ADAMTS18: variants seen among roughly 807,000 people sequenced by gnomAD.
The protein encoded by ADAMTS18 is A disintegrin and metalloproteinase with thrombospondin motifs 18.
Under a neutral mutation model 165.9 loss-of-function variants are expected in ADAMTS18, and 157 were observed. The observed-to-expected ratio is 0.95, with a 90% CI of 0.83 to 1.08. ADAMTS18 has a LOEUF of 1.08. Among genes scored for constraint, ADAMTS18 ranks in the 50% least tolerant of loss-of-function variants. ADAMTS18 has a pLI of 0.00. For missense variants in ADAMTS18, 2,040 were observed against 1,534.0 expected, an observed-to-expected ratio of 1.33 and a Z score of -5.51; for synonymous variants, 782 against 578.2, an observed-to-expected ratio of 1.35 and a Z score of -5.06.
At chr16:77,357,475 C>T (rs2056648455) in intron 8 of ADAMTS18, among the ~76,000 whole-genome samples, 1 of 152,126 alleles carries the variant, frequency 6.6e-6, no homozygotes, top group Non-Finnish European at 1.5e-5. Flanking sequence ...AAGGGGATTT[C>T]TTTGGGAGAC....
intron 12 of ADAMTS18, among the ~76,000 whole-genome samples, chr16:77,334,396 CTG>C (rs1182519015): frequency 9.6e-6 from 1 of 103,756 alleles, no homozygotes; most frequent in African/African-American, 4.1e-5. Flanking sequence ...TATATATATA[CTG>C]TATATTATAG....
chr16:77,311,662 T>G (rs115259375), intron 16 of ADAMTS18, among the ~76,000 whole-genome samples: 1 of 151,134 alleles, frequency 6.6e-6, no homozygotes, highest in African/African-American at 2.4e-5. Flanking sequence ...CCTAAATTAT[T>G]TGAAAAGATA....
At chr16:77,392,147 G>A (rs2057196429) in intron 3 of ADAMTS18, among the ~76,000 whole-genome samples, 1 of 152,158 alleles carries the variant, frequency 6.6e-6, no homozygotes, top group African/African-American at 2.4e-5. Flanking sequence ...ACAGAAGACA[G>A]AATCGCGTGA....
intron 16 of ADAMTS18, among the ~76,000 whole-genome samples, chr16:77,316,827 G>A (rs537207364): frequency 2.6e-5 from 4 of 151,902 alleles, no homozygotes; most frequent in African/African-American, 4.8e-5. Flanking sequence ...GCACCACCAC[G>A]CCTGGCTAAT....
chr16:77,290,979 A>G, intron 21 of ADAMTS18: 1 of 481,096 alleles, frequency 2.1e-6, no homozygotes. Context: ...AATGACCAAC[A>G]TTAGCAGTGT....
At chr16:77,429,013 A>G (rs536159949) in intron 3 of ADAMTS18, among the ~76,000 whole-genome samples, 1 of 152,228 alleles carries the variant, frequency 6.6e-6, no homozygotes, top group Non-Finnish European at 1.5e-5. Context: ...TAGTTCAACC[A>G]TTGTGGAAAG....
intron 22 of ADAMTS18, among the ~76,000 whole-genome samples, chr16:77,287,619 C>G (rs2055278886): frequency 6.6e-6 from 1 of 152,096 alleles, no homozygotes; most frequent in South Asian, 2.1e-4. Flanking sequence ...CTACGGGCAC[C>G]TGCCACCACA....
At chr16:77,377,957 A>G (rs1332878566) in intron 3 of ADAMTS18, among the ~76,000 whole-genome samples, 2 of 152,200 alleles carry the variant, frequency 1.3e-5, no homozygotes, top group African/African-American at 4.8e-5. Context: ...ACATCAGAAA[A>G]ATTAAAGACT....
chr16:77,286,980 G>A (rs2055265898), intron 22 of ADAMTS18, among the ~76,000 whole-genome samples: 3 of 152,152 alleles, frequency 2.0e-5, no homozygotes, highest in Non-Finnish European at 4.4e-5. Flanking sequence ...TACAATGACT[G>A]CCCCTAGACT....
chr16:77,305,936 T>C lies in ADAMTS18; in HGVS notation c.2533-5532A>G, dbSNP rs1424364325. On this transcript the variant is annotated intron_variant, in intron 16 of 22. Transcript: ENST00000282849. The stretch of plus-strand genomic sequence containing the variant: ...CATTTTAGAACATTTTCGGTGACCA[T>C]GTCAAGAGTAGTCCATTGCTTTTCT... 6.6e-5 allele frequency among the ~76,000 whole-genome samples: 10 copies of C among 152,338 alleles called. No homozygotes were observed. The East Asian group carries it at 1.3e-3, about 21-fold the overall frequency.
rs931640159 is a variant in ADAMTS18 at position 77,282,839 on chromosome 16, T to C, written c.*1117A>G. The C allele has an allele frequency of 2.0e-5, 3 of 152,308 alleles. No individual in the cohort carries two copies. Among genetic ancestry groups the C allele is most frequent in the Non-Finnish European group, 2.9e-5 (2 of 67,980 alleles). 9.4% of individuals were successfully genotyped at this position (152,308 alleles called of 1,614,324 possible). On this transcript the variant is annotated 3_prime_UTR_variant, in exon 23 of 23. Transcript: ENST00000282849. ...GAGGGTCTTGTCATATTATGATTTA[T>C]TAATATTAACATAGCAAGAAGACAG...
chr16:77,324,186 G>C (rs878865436), intron 13 of ADAMTS18, among the ~76,000 whole-genome samples: 1 of 152,154 alleles, frequency 6.6e-6, no homozygotes, highest in Admixed American at 6.5e-5. Context: ...GTAAAAGGAG[G>C]GACAACAGAG....
At chr16:77,426,599 G>T (rs1313576562) in intron 3 of ADAMTS18, among the ~76,000 whole-genome samples, 1 of 152,200 alleles carries the variant, frequency 6.6e-6, no homozygotes, top group Non-Finnish European at 1.5e-5. Context: ...AGGTCTAAAA[G>T]TATTGCTCCA....
Position 77,314,753 on chromosome 16 carries a change from C to CATATATATATATATATATATATAT in ADAMTS18, c.2532+5072_2532+5095dup, listed in dbSNP as rs36191323. Among the ~76,000 whole-genome samples the CATATATATATATATATATATATAT allele has an allele frequency of 1.7e-3, 63 of 36,870 alleles. 2 individuals carry two copies. Among genetic ancestry groups the CATATATATATATATATATATATAT allele is most frequent in the Non-Finnish European group, 2.5e-3 (47 of 18,542 alleles). 24.2% of individuals were successfully genotyped at this position (36,870 alleles called of 152,430 possible). A position where few individuals can be genotyped will look rare whatever the true frequency, so the allele number is the denominator to read the frequency against. ...GTTTGCTAAATATGGTCTCAGGTTT[C>CATATATATATATATATATATATAT]ATATATATATATATATATATATATA... On this transcript the variant is annotated intron_variant, in intron 16 of 22. Coordinates refer to ENST00000282849, the MANE Select transcript of ADAMTS18 (RefSeq NM_199355.4).
At chr16:77,357,123 C>T (rs2056643480) in intron 8 of ADAMTS18, among the ~76,000 whole-genome samples, 1 of 150,214 alleles carries the variant, frequency 6.7e-6, no homozygotes, top group East Asian at 2.0e-4. Flanking sequence ...ATTTATAAGG[C>T]AGATATGACT....
chr16:77,294,494 C>A (rs1050607679), intron 19 of ADAMTS18, among the ~76,000 whole-genome samples: 1 of 152,188 alleles, frequency 6.6e-6, no homozygotes, highest in Admixed American at 6.5e-5. Flanking sequence ...GAATTTGTGA[C>A]CATAGCAAAC....
intron 10 of ADAMTS18, among the ~76,000 whole-genome samples, chr16:77,351,836 GTGATCCCCC>G (rs2056560525): frequency 6.6e-6 from 1 of 152,040 alleles, no homozygotes; most frequent in African/African-American, 2.4e-5. Flanking sequence ...CTGGGCTCAA[GTGATCCCCC>G]TGCCTCAGCC....
chr16:77,392,917 C>A (rs1259671730), intron 3 of ADAMTS18, among the ~76,000 whole-genome samples: 2 of 151,918 alleles, frequency 1.3e-5, no homozygotes, highest in Non-Finnish European at 2.9e-5. Context: ...GATGAGTGGG[C>A]TGGCAGAGGG....
intron 10 of ADAMTS18, among the ~76,000 whole-genome samples, chr16:77,349,834 G>A (rs2056530232): frequency 6.6e-6 from 1 of 152,122 alleles, no homozygotes; most frequent in Non-Finnish European, 1.5e-5. Context: ...AGAATGATAG[G>A]CCTGAGAACA....
Sources: gnomAD v4.1 joint callset for allele counts (sites outside exome capture counted in the v4.1 genomes callset) on GRCh38, gnomAD v4.1.1 for gene constraint, MANE v1.5 for transcripts, NCBI Gene and HGNC (gene_info 2026-07-23, HGNC 2026-07-21) for gene names.